Variants in ERC2 observed in about 807,000 individuals in gnomAD.
ERC2 encodes ERC protein 2.
A neutral mutation model predicts 114.8 loss-of-function variants in ERC2; 42 were observed. The observed-to-expected ratio is 0.37, with a 90% CI of 0.29 to 0.47. ERC2 has a LOEUF of 0.47. ERC2 is among the 20% of genes least tolerant of loss of function. ERC2 has a pLI of 0.99. For missense variants in ERC2, 939 were observed against 1,150.7 expected, an observed-to-expected ratio of 0.82 and a Z score of 2.66; for synonymous variants, 454 against 425.5, an observed-to-expected ratio of 1.07 and a Z score of -0.82.
chr3:56,193,161 A>G (rs1226293903), intron 3 of ERC2, among the ~76,000 whole-genome samples: 1 of 152,234 alleles, frequency 6.6e-6, no homozygotes, highest in Non-Finnish European at 1.5e-5. Context: ...GTAGTTTAGA[A>G]AACAGTGTGT....
chr3:56,245,774 C>G (rs2051651006), intron 3 of ERC2, among the ~76,000 whole-genome samples: 2 of 151,984 alleles, frequency 1.3e-5, no homozygotes, highest in Admixed American at 1.3e-4. Flanking sequence ...GAACTCCTGA[C>G]CAGTGATCCA....
At chr3:56,411,882 C>T (rs892887005) in intron 2 of ERC2, among the ~76,000 whole-genome samples, 3 of 152,148 alleles carry the variant, frequency 2.0e-5, no homozygotes, top group Non-Finnish European at 4.4e-5. Context: ...CTCCAAGATC[C>T]CTGGTTGTCA....
At chr3:56,321,618 T>A (rs1260641576) in intron 2 of ERC2, among the ~76,000 whole-genome samples, 17 of 152,234 alleles carry the variant, frequency 1.1e-4, no homozygotes, top group Non-Finnish European at 4.4e-5. Flanking sequence ...CCTTATTTGG[T>A]CTATCCTGTT....
intron 3 of ERC2, among the ~76,000 whole-genome samples, chr3:56,174,129 G>A (rs1186343029): frequency 6.6e-6 from 1 of 152,178 alleles, no homozygotes; most frequent in Non-Finnish European, 1.5e-5. Flanking sequence ...ATTGGCATTA[G>A]TATCAACAGT....
At chr3:56,336,709 G>A (rs995001242) in intron 2 of ERC2, among the ~76,000 whole-genome samples, 4 of 152,080 alleles carry the variant, frequency 2.6e-5, no homozygotes, top group Non-Finnish European at 5.9e-5. Context: ...CAGGAGAATC[G>A]CTTGAACCTG....
intron 2 of ERC2, among the ~76,000 whole-genome samples, chr3:56,420,757 G>A (rs1207050491): frequency 6.6e-6 from 1 of 151,822 alleles, no homozygotes; most frequent in African/African-American, 2.4e-5. Context: ...ATCTGGGTGT[G>A]GTGGTGGGTG....
intron 14 of ERC2, among the ~76,000 whole-genome samples, chr3:55,796,242 CTTTG>C (rs147458424): frequency 0.15 from 21,971 of 151,348 alleles, 1,757 homozygotes; most frequent in East Asian, 0.22. Context: ...CAAGGCCTGG[CTTTG>C]TTTGAGAAGA....
chr3:56,404,228 T>C (rs961720771), intron 2 of ERC2, among the ~76,000 whole-genome samples: 1 of 152,246 alleles, frequency 6.6e-6, no homozygotes. Flanking sequence ...AATCAATTAA[T>C]ATTATTTTTA....
chr3:56,259,359 G>A (rs1214569939), intron 3 of ERC2, among the ~76,000 whole-genome samples: 2 of 152,056 alleles, frequency 1.3e-5, no homozygotes, highest in Admixed American at 6.5e-5. Flanking sequence ...GAAGATGTAC[G>A]TTCACTGCAA....
chr3:55,598,251 A>T (rs1439572664), intron 17 of ERC2, among the ~76,000 whole-genome samples: 1 of 152,228 alleles, frequency 6.6e-6, no homozygotes, highest in East Asian at 1.9e-4. Context: ...CTGCATAAGG[A>T]CTGCATTGTC....
intron 11 of ERC2, among the ~76,000 whole-genome samples, chr3:55,987,995 G>T (rs975843284): frequency 2.0e-5 from 3 of 152,096 alleles, no homozygotes; most frequent in Non-Finnish European, 4.4e-5. Context: ...TTACATGAAA[G>T]GTCACCCAAA....
Position 56,454,307 on chromosome 3 carries a change from C to G in ERC2, c.-141+13941G>C, listed in dbSNP as rs144944152. ...GCAAGCAGATGCTCTAAGTGCCTAT[C>G]GATGTCCCTCTGACCTGAACATTTT... is the stretch of plus-strand genomic sequence containing the variant. On this transcript the variant is annotated intron_variant, in intron 1 of 17. Transcript: ENST00000288221. Among the ~76,000 whole-genome samples the G allele has an allele frequency of 2.6e-5, 4 of 152,302 alleles. No homozygotes were observed. The East Asian group carries it at 7.7e-4, about 29-fold the overall frequency.
intron 12 of ERC2, among the ~76,000 whole-genome samples, chr3:55,979,048 G>A (rs1182121704): frequency 1.3e-5 from 2 of 152,134 alleles, no homozygotes; most frequent in South Asian, 2.1e-4. Flanking sequence ...CCCATTCATC[G>A]CAGGTTATCA....
intron 15 of ERC2, among the ~76,000 whole-genome samples, chr3:55,700,163 T>A (rs1420900132): frequency 6.6e-6 from 1 of 152,202 alleles, no homozygotes; most frequent in African/African-American, 2.4e-5. Flanking sequence ...ACGATGCCTG[T>A]CACATGAGGC....
rs186918021 is a variant in ERC2 at position 56,149,037 on chromosome 3, G to A, written c.1245C>T (p.Arg415=). 3,373 of 1,613,188 alleles carry A rather than the reference G, an allele frequency of 2.1e-3. 6 individuals are homozygous for A. Among genetic ancestry groups the A allele is most frequent in the Middle Eastern group, 0.011 (64 of 6,052 alleles). The change falls in exon 5 of 18, where the codon CGC becomes CGT. Residue 415 remains arginine (R), a synonymous_variant. Coordinates refer to ENST00000288221, the MANE Select transcript of ERC2 (RefSeq NM_015576.3). The part of the protein sequence containing the change: ...KANGVLNTED[R]EEEIKQIEVY... ...CCTCAATTTGTTTGATCTCTTCTTCGCGGTCCTCAGTGTTCAGCACACCAT... is the reference window on the plus strand; with the variant it reads ...CCTCAATTTGTTTGATCTCTTCTTCACGGTCCTCAGTGTTCAGCACACCAT...
In ERC2 at chr3:56,434,423, G is replaced by A. The variant is rs1238255670; in HGVS notation, c.585C>T (p.Val195=). 1.9e-6 allele frequency: 3 copies of A among 1,613,948 alleles called. No individual in the cohort carries two copies. Among genetic ancestry groups the A allele is most frequent in the Admixed American group, 3.3e-5 (2 of 60,030 alleles). Residue 195 remains valine (V), a synonymous_variant, in exon 2 of 18, where the codon GTC becomes GTT. Coordinates refer to ENST00000288221, the MANE Select transcript of ERC2 (RefSeq NM_015576.3). ...FWSPELKKER[V]LRKEEAARMS... Reference sequence around the variant, plus strand: ...TCCGCGCTGCCTCTTCTTTCCTCAAGACTCTCTCCTTCTTAAGCTCAGGAC... The same window carrying A: ...TCCGCGCTGCCTCTTCTTTCCTCAAAACTCTCTCCTTCTTAAGCTCAGGAC...
At chr3:55,729,863 A>AAAAAAAAAAAAAAAC (rs1365130996) in intron 15 of ERC2, among the ~76,000 whole-genome samples, 1 of 145,862 alleles carries the variant, frequency 6.9e-6, no homozygotes, top group African/African-American at 2.7e-5. Flanking sequence ...AAAAAAAAAA[A>AAAAAAAAAAAAAAAC]AATTGTAAGC....
At chr3:55,642,674 C>G (rs772415445) in intron 17 of ERC2, among the ~76,000 whole-genome samples, 2 of 152,078 alleles carry the variant, frequency 1.3e-5, no homozygotes, top group African/African-American at 4.8e-5. Context: ...CACTGATTTG[C>G]TCTCTCCACA....
chr3:55,781,786 C>T (rs1236151330), intron 14 of ERC2, among the ~76,000 whole-genome samples: 3 of 150,178 alleles, frequency 2.0e-5, no homozygotes, highest in Non-Finnish European at 2.9e-5. Context: ...GCAGGAGAAT[C>T]GATTGAACCC....
Sources: allele counts gnomAD v4.1 joint callset (sites outside exome capture counted in the v4.1 genomes callset), GRCh38; gene constraint gnomAD v4.1.1; transcripts MANE v1.5; gene names NCBI Gene and HGNC (gene_info 2026-07-23, HGNC 2026-07-21).